Variants in ASPM observed in about 807,000 individuals in gnomAD.
ASPM encodes assembly factor for spindle microtubules.
Under a neutral mutation model 366.4 loss-of-function variants are expected in ASPM, and 256 were observed. The observed-to-expected ratio is 0.70, with a 90% CI of 0.63 to 0.77. ASPM has a LOEUF of 0.77. Ranked by LOEUF, ASPM falls within the 30% of genes least tolerant of loss-of-function variation. The pLI is 0.00. For missense variants in ASPM, 4,146 were observed against 4,090.4 expected (o/e 1.01, Z -0.37); for synonymous variants, 1,414 against 1,342.9 (o/e 1.05, Z -1.16).
chr1:197,125,306 C>G (rs1468323546), intron 10 of ASPM, 115 bp from the exon 11 acceptor site: 4 of 1,268,442 alleles, frequency 3.2e-6, no homozygotes, highest in Non-Finnish European at 4.5e-6. Context: ...GCTTTATGAT[C>G]AGAAAGACTT....
Position 197,114,009 on chromosome 1 carries a change from T to C in ASPM, c.4065+3780A>G, listed in dbSNP as rs74336995. Among the ~76,000 whole-genome samples the C allele has an allele frequency of 6.3e-3, 884 of 141,178 alleles. 5 individuals carry two copies. Among genetic ancestry groups the C allele is most frequent in the African/African-American group, 0.021 (836 of 39,846 alleles). The allele number at this position is 141,178 out of a possible 152,430, so 92.6% of individuals were successfully genotyped here. On this transcript the variant is annotated intron_variant, in intron 17 of 27. Coordinates refer to ENST00000367409, the MANE Select transcript of ASPM (RefSeq NM_018136.5). ...CTGGTGGGTTTTAAATCTTTACAAG[T>C]ACTTTAAAAAACTCTTGGATAGTTG... is the stretch of plus-strand genomic sequence containing the variant.
chr1:197,139,593 ATTTCT>A (rs2125112292), intron 4 of ASPM, among the ~76,000 whole-genome samples, 169 bp downstream of exon 4: 1 of 152,290 alleles, frequency 6.6e-6, no homozygotes, highest in Non-Finnish European at 1.5e-5. Context: ...TTTGGTCTTT[ATTTCT>A]TTTATCAAAC....
In ASPM at chr1:197,133,359, T is replaced by C; in HGVS notation, c.2410A>G (p.Lys804Glu). The C allele has an allele frequency of 6.2e-7, 1 of 1,613,584 alleles. No individual in the cohort carries two copies. The highest frequency in any genetic ancestry group is 8.5e-7 in the Non-Finnish European group (1 of 1,179,744). The stretch of plus-strand genomic sequence containing the variant: ...TCTGCAGTCTTCTTACCCACATCTT[T>C]CCATAGGTGTCTATCTTTTCGAACA... ...LIVRKDRHLWKDVGERQKVLN... is the reference protein window; with the variant it reads ...LIVRKDRHLWEDVGERQKVLN... Residue 804 changes from lysine to glutamate, a missense_variant, in exon 6 of 28, where the codon AAA becomes GAA. Physicochemically the swap from Lys to Glu is moderately conservative, Grantham distance 56. Coordinates refer to ENST00000367409, the MANE Select transcript of ASPM (RefSeq NM_018136.5).
chr1:197,131,479 T>C (rs991518367), intron 7 of ASPM, among the ~76,000 whole-genome samples: 1 of 152,150 alleles, frequency 6.6e-6, no homozygotes. Context: ...CAAATCCTGA[T>C]GACATTTTTA....
At chr1:197,115,066 T>C (rs1657703131) in intron 17 of ASPM, among the ~76,000 whole-genome samples, 1 of 151,870 alleles carries the variant, frequency 6.6e-6, no homozygotes, top group African/African-American at 2.4e-5. Context: ...TATTTTTAAA[T>C]GGGGTCTCAC....
intron 17 of ASPM, 60 bp from the exon 18 acceptor site, chr1:197,105,245 T>G: frequency 7.7e-7 from 1 of 1,294,550 alleles, no homozygotes; most frequent in East Asian, 2.3e-5. Flanking sequence ...ATTTAACACT[T>G]TTCAAAATAC....
chr1:197,103,074 G>T lies in ASPM; in HGVS notation c.6177C>A (p.Thr2059=), dbSNP rs769192125. Residue 2059 remains threonine, a synonymous_variant, in exon 18 of 28, where the codon ACC becomes ACA. Transcript: ENST00000367409. ...CTCTATAGGTTGCATATTTCTTTTT[G>T]GTTTTGTAAGCTCTGTATTTAGACT... The part of the protein sequence containing the change: ...TIQSKYRAYK[T]KKKYATYRAS... 8 of 1,612,318 alleles carry T rather than the reference G, an allele frequency of 5.0e-6. No homozygotes were observed.
chr1:197,122,947 G>A (rs1184032979), intron 13 of ASPM, among the ~76,000 whole-genome samples: 1 of 152,098 alleles, frequency 6.6e-6, no homozygotes, highest in Non-Finnish European at 1.5e-5. Context: ...CTCGTTATTT[G>A]TGAATATTGA....
chr1:197,091,096 A>C, intron 22 of ASPM, 55 bp from the exon 23 acceptor site: 1 of 1,269,008 alleles, frequency 7.9e-7, no homozygotes, highest in South Asian at 1.2e-5. Flanking sequence ...TTTTTAAAAA[A>C]ATATACAAAT....
intron 13 of ASPM, among the ~76,000 whole-genome samples, chr1:197,123,598 G>A (rs1007605374): frequency 2.0e-5 from 3 of 152,036 alleles, no homozygotes; most frequent in Non-Finnish European, 4.4e-5. Context: ...TACATACTGT[G>A]TATCACTGTT....
Position 197,139,818 on chromosome 1 carries a change from T to C in ASPM, c.1975A>G (p.Ile659Val), listed in dbSNP as rs1420934117. Reference protein sequence around the residue: ...ISKTNKRTKPIIAVAQSSLTF... With the variant: ...ISKTNKRTKPVIAVAQSSLTF... ...AAACTGGACTGTGCCACAGCGATAA[T>C]GGGTTTTGTCCTTTTGTTTGTTTTA... The change falls in exon 4 of 28, where the codon ATT (isoleucine) becomes GTT (valine). Residue 659 changes from isoleucine to valine, a missense_variant. Around this residue, in one of 3 missense-constraint regions of ASPM, gnomAD observed 3,624 missense variants for 3,591.7 expected, o/e 1.01. Coordinates refer to ENST00000367409, the MANE Select transcript of ASPM (RefSeq NM_018136.5). 4.3e-6 allele frequency: 7 copies of C among 1,612,484 alleles called. No individual in the cohort carries two copies. In the African/African-American group the frequency reaches 6.7e-5, roughly 15 times the overall value.
Position 197,090,339 on chromosome 1 carries a change from A to T in ASPM, c.9686T>A (p.Ile3229Asn), listed in dbSNP as rs1193504109. ...TTGAAGACTTAGTCGTATAGCTTTA[A>T]TTTTTGTACAATCATTTTTCTTCCT... ...SWRKKNDCTKIKAIRLSLQVV... is the reference protein window; with the variant it reads ...SWRKKNDCTKNKAIRLSLQVV... Residue 3229 changes from isoleucine to asparagine, a missense_variant, in exon 24 of 28, where the codon ATT (isoleucine) becomes AAT (asparagine). Transcript: ENST00000367409. The T allele has an allele frequency of 2.3e-5, 37 of 1,612,302 alleles. No individual in the cohort carries two copies. The highest frequency in any genetic ancestry group is 3.1e-5 in the Non-Finnish European group (36 of 1,179,070).
chr1:197,105,896 T>C (rs753389844), intron 17 of ASPM, among the ~76,000 whole-genome samples: 4 of 151,980 alleles, frequency 2.6e-5, no homozygotes, highest in Non-Finnish European at 4.4e-5. Flanking sequence ...CTAATTCCAG[T>C]TGCTGGTATC....
intron 9 of ASPM, among the ~76,000 whole-genome samples, 181 bp downstream of exon 9, chr1:197,129,006 T>C (rs905156161): frequency 6.6e-6 from 1 of 152,062 alleles, no homozygotes; most frequent in Non-Finnish European, 1.5e-5. Flanking sequence ...GGTAAACCAA[T>C]AAAAACGAGG....
In ASPM at chr1:197,146,575, C is replaced by A. The variant is rs1571634453; in HGVS notation, c.-138G>T. ...CGTGGGAGTGAATTCGGCCCTTTTTCTTTTCCACTAACCTACTCCCTAGAA... is the reference window on the plus strand; with the variant it reads ...CGTGGGAGTGAATTCGGCCCTTTTTATTTTCCACTAACCTACTCCCTAGAA... On this transcript the variant is annotated 5_prime_UTR_variant, in exon 1 of 28. Transcript: ENST00000367409. 1.2e-6 allele frequency: 1 copy of A among 868,280 alleles called. No individual in the cohort carries two copies. Among genetic ancestry groups the A allele is most frequent in the African/African-American group, 1.7e-5 (1 of 59,542 alleles). The allele number at this position is 868,280 out of a possible 1,614,324, so 53.8% of individuals were successfully genotyped here.
chr1:197,139,785 T>G lies in ASPM; in HGVS notation c.2008A>C (p.Ile670Leu). 1 of 1,608,170 alleles carries G rather than the reference T, an allele frequency of 6.2e-7. No individual in the cohort carries two copies. The change falls in exon 4 of 28, where the codon ATA (isoleucine) becomes CTA (leucine). Residue 670 changes from isoleucine to leucine, a missense_variant. Ile to Leu is a conservative substitution (Grantham distance 5). Around this residue, in one of 3 missense-constraint regions of ASPM, gnomAD observed 3,624 missense variants for 3,591.7 expected, o/e 1.01. Transcript: ENST00000367409. ...IAVAQSSLTFIKPLKTDIPRH... is the reference protein window; with the variant it reads ...IAVAQSSLTFLKPLKTDIPRH... ...TACTTGCCTGTTTTTAATGGTTTTA[T>G]GAAGGTCAAACTGGACTGTGCCACA... is the stretch of plus-strand genomic sequence containing the variant.
intron 4 of ASPM, chr1:197,139,238 G>A: frequency 1.1e-6 from 1 of 910,760 alleles, no homozygotes; most frequent in Non-Finnish European, 1.8e-6. Context: ...GCTAGTGACG[G>A]CCTCTGACCA....
intron 16 of ASPM, among the ~76,000 whole-genome samples, chr1:197,120,874 C>A (rs915537531): frequency 2.0e-5 from 3 of 151,978 alleles, no homozygotes; most frequent in Non-Finnish European, 4.4e-5. Context: ...TAAGACCCTG[C>A]CTATTTCCCA....
At chr1:197,085,639 A>C (rs949670368) in intron 27 of ASPM, among the ~76,000 whole-genome samples, 1 of 152,200 alleles carries the variant, frequency 6.6e-6, no homozygotes, top group African/African-American at 2.4e-5. Context: ...AAGGAAAAGA[A>C]TCCAGTCACA....
Sources: gnomAD v4.1 joint callset for allele counts (sites outside exome capture counted in the v4.1 genomes callset) on GRCh38, gnomAD v4.1.1 for gene constraint, gnomAD v4.1.1 regional missense constraint, MANE v1.5 for transcripts, NCBI Gene and HGNC (gene_info 2026-07-23, HGNC 2026-07-21) for gene names.